PDIA6: variants seen among roughly 807,000 people sequenced by gnomAD.
PDIA6 encodes protein disulfide isomerase family A member 6, also known as protein disulfide-isomerase A6.
A neutral mutation model predicts 58.4 loss-of-function variants in PDIA6; 29 were observed. The observed-to-expected ratio is 0.50, with a 90% CI of 0.37 to 0.68. The LOEUF (loss-of-function observed/expected upper bound fraction) is 0.68, where lower values mean the gene tolerates loss of function less well. Ranked by LOEUF, PDIA6 falls within the 30% of genes least tolerant of loss-of-function variation. PDIA6 has a pLI of 0.00. For synonymous variants in PDIA6, 192 were observed against 202.6 expected (o/e 0.95, Z 0.44); for missense variants, 480 against 551.0 (o/e 0.87, Z 1.29).
At chr2:10,806,903 T>C (rs1666791497) in intron 1 of PDIA6, among the ~76,000 whole-genome samples, 1 of 152,190 alleles carries the variant, frequency 6.6e-6, no homozygotes, top group Non-Finnish European at 1.5e-5. Flanking sequence ...AGCTATACCA[T>C]GTAGCCTAGG....
chr2:10,788,804 G>GTT (rs749665256), intron 9 of PDIA6, 35 bp from the exon 10 acceptor site: 65 of 1,571,346 alleles, frequency 4.1e-5, no homozygotes, highest in Non-Finnish European at 5.4e-5. Flanking sequence ...TAAAGGTAAA[G>GTT]ATAAAGGAGT....
chr2:10,819,371 AGAG>A (rs759323828), intron 1 of PDIA6: 7 of 1,416,460 alleles, frequency 4.9e-6, no homozygotes, highest in Non-Finnish European at 4.9e-6. Flanking sequence ...GTGAGAGAGA[AGAG>A]GAGATGAGTG....
At chr2:10,797,323 T>C in intron 3 of PDIA6, 116 bp from the exon 4 acceptor site, 1 of 999,620 alleles carries the variant, frequency 1.0e-6, no homozygotes, top group Non-Finnish European at 1.4e-6. Context: ...GGGTGCAGTT[T>C]GCAATCAGTC....
intron 4 of PDIA6, 92 bp from the exon 5 acceptor site, chr2:10,793,294 C>T (rs776201405): frequency 3.1e-5 from 25 of 797,212 alleles, no homozygotes; most frequent in African/African-American, 2.5e-4. Flanking sequence ...ACCTCACTGT[C>T]GGCTTCACCA....
At chr2:10,807,481 C>G (rs1175083436) in intron 1 of PDIA6, among the ~76,000 whole-genome samples, 2 of 152,194 alleles carry the variant, frequency 1.3e-5, no homozygotes, top group African/African-American at 4.8e-5. Flanking sequence ...TGAGTGACCA[C>G]GCCAGGCCAA....
intron 4 of PDIA6, among the ~76,000 whole-genome samples, chr2:10,795,689 G>A (rs1054233238): frequency 1.3e-5 from 2 of 152,184 alleles, no homozygotes; most frequent in Non-Finnish European, 2.9e-5. Context: ...GTATGGAGAG[G>A]CTAGCAGCCA....
rs553251495 is a variant in PDIA6, at chr2:10,819,015, A to G, written c.34+259T>C. On this transcript the variant is annotated intron_variant, in intron 2 of 13. Transcript: ENST00000381611. ...CTGTCTTTATAAATTTAACTACTCT[A>G]GACATCTCATGTAAGTAGAATCCTA... Among the ~76,000 whole-genome samples, 17 of 152,244 alleles carry G rather than the reference A, an allele frequency of 1.1e-4. No homozygotes were observed. The East Asian group carries it at 3.1e-3, about 28-fold the overall frequency.
intron 10 of PDIA6, among the ~76,000 whole-genome samples, chr2:10,787,934 C>T (rs999825857): frequency 1.6e-4 from 24 of 152,136 alleles, no homozygotes; most frequent in African/African-American, 4.6e-4. Context: ...GGCATGGTGG[C>T]GTGCGCCTGT....
At chr2:10,827,202 A>G (rs1167091712) in intron 1 of PDIA6, among the ~76,000 whole-genome samples, 1 of 152,074 alleles carries the variant, frequency 6.6e-6, no homozygotes, top group African/African-American at 2.4e-5. Context: ...AGCTGGGACT[A>G]CAGTTATGCA....
chr2:10,792,989 A>G (rs749414734), intron 5 of PDIA6, 107 bp downstream of exon 5: 14 of 740,010 alleles, frequency 1.9e-5, no homozygotes, highest in Middle Eastern at 4.7e-4. Flanking sequence ...TCTTTAATTG[A>G]GAGTTCACCA....
At chr2:10,797,923 G>A (rs539172070) in intron 2 of PDIA6, among the ~76,000 whole-genome samples, 166 bp from the exon 3 acceptor site, 2 of 152,262 alleles carry the variant, frequency 1.3e-5, no homozygotes, top group East Asian at 1.9e-4. Flanking sequence ...GGTGTCTCAC[G>A]CCTGTAATCT....
At chr2:10,822,427 T>G (rs998945544) in intron 1 of PDIA6, among the ~76,000 whole-genome samples, 1 of 152,072 alleles carries the variant, frequency 6.6e-6, no homozygotes, top group African/African-American at 2.4e-5. Context: ...GATGCCTGGC[T>G]AATTTTTTGT....
chr2:10,821,550 G>A (rs1280599566), intron 1 of PDIA6: 3 of 152,096 alleles, frequency 2.0e-5, no homozygotes, highest in East Asian at 3.8e-4. Context: ...TGGAGAATTC[G>A]ACAATTCAGC....
upstream of PDIA6, among the ~76,000 whole-genome samples, chr2:10,834,721 CCCTTCCTTCCCTCCTTCCTT>C (rs1464549322): frequency 0.11 from 5,169 of 45,204 alleles, 491 homozygotes; most frequent in South Asian, 0.21. Context: ...CTCCCTCCCT[CCCTTCCTTCCCTCCTTCCTT>C]CCTTCCTTCC....
At chr2:10,798,988 T>C (rs1666388900) in intron 2 of PDIA6, among the ~76,000 whole-genome samples, 1 of 152,016 alleles carries the variant, frequency 6.6e-6, no homozygotes. Flanking sequence ...CACCACAAGA[T>C]GGCGATGTGA....
At chr2:10,806,025 T>TAAA (rs80344702) in intron 1 of PDIA6, among the ~76,000 whole-genome samples, 1 of 71,176 alleles carries the variant, frequency 1.4e-5, no homozygotes, top group African/African-American at 4.6e-5. Context: ...AAAGTATAAT[T>TAAA]AAAAAAAAAA....
intron 2 of PDIA6, among the ~76,000 whole-genome samples, chr2:10,818,481 A>AATTAATTT (rs1667273687): frequency 9.5e-5 from 11 of 115,788 alleles, no homozygotes; most frequent in South Asian, 3.1e-4. Flanking sequence ...TTAACCATTT[A>AATTAATTT]ATTTATTTAT....
chr2:10,785,163 C>T (rs867422868), intron 11 of PDIA6, 133 bp from the exon 12 acceptor site: 4 of 647,598 alleles, frequency 6.2e-6, no homozygotes, highest in Middle Eastern at 2.5e-4. Context: ...TGCTGCACTA[C>T]ATTCCTCAGA....
At chr2:10,786,065 G>A (rs1665723839) in intron 11 of PDIA6, among the ~76,000 whole-genome samples, 2 of 152,090 alleles carry the variant, frequency 1.3e-5, no homozygotes, top group Admixed American at 6.5e-5. Context: ...GCTCACACCT[G>A]TAATCCCAGC....
Sources: gnomAD v4.1 joint callset for allele counts (sites outside exome capture counted in the v4.1 genomes callset) on GRCh38, gnomAD v4.1.1 for gene constraint, MANE v1.5 for transcripts, NCBI Gene and HGNC (gene_info 2026-07-23, HGNC 2026-07-21) for gene names.